ZNF536: variants seen among roughly 807,000 people sequenced by gnomAD.
ZNF536 encodes zinc finger protein 536.
ZNF536 carries 13 observed loss-of-function variants against 84.5 expected under a neutral mutation model. The ratio of observed to expected loss-of-function variants is 0.15; its 90% CI spans 0.10 to 0.24. The LOEUF (loss-of-function observed/expected upper bound fraction) is 0.24, where lower values mean the gene tolerates loss of function less well. Among genes scored for constraint, ZNF536 ranks in the 10% least tolerant of loss-of-function variants. The pLI is 1.00. For missense variants in ZNF536, 1,536 were observed against 1,747.5 expected (o/e 0.88, Z 2.16); for synonymous variants, 811 against 742.5 (o/e 1.09, Z -1.50).
intron 1 of ZNF536, among the ~76,000 whole-genome samples, chr19:30,372,831 C>CT (rs2048661456): frequency 6.7e-6 from 1 of 148,400 alleles, no homozygotes; most frequent in Non-Finnish European, 1.5e-5. Flanking sequence ...CATCACCCGC[C>CT]CCCCCCATCT....
chr19:30,527,088 T>C (rs1478335248), intron 2 of ZNF536, among the ~76,000 whole-genome samples: 2 of 151,960 alleles, frequency 1.3e-5, no homozygotes, highest in Non-Finnish European at 2.9e-5. Flanking sequence ...CTGGCTAATT[T>C]TTGTATTCTT....
At chr19:30,369,453 G>A (rs2146998858), upstream of ZNF536, among the ~76,000 whole-genome samples, 1 of 152,314 alleles carries the variant, frequency 6.6e-6, no homozygotes, top group South Asian at 2.1e-4. Flanking sequence ...TGCATTAAAT[G>A]TGGAGGATCA....
chr19:30,424,738 T>A (rs1373231699), intron 1 of ZNF536, among the ~76,000 whole-genome samples: 1 of 152,220 alleles, frequency 6.6e-6, no homozygotes, highest in Non-Finnish European at 1.5e-5. Context: ...AAATCACTTC[T>A]CCTTGACACA....
intron 1 of ZNF536, among the ~76,000 whole-genome samples, chr19:30,280,298 A>C (rs2045395076): frequency 6.9e-6 from 1 of 145,800 alleles, no homozygotes; most frequent in African/African-American, 2.6e-5. Context: ...ATCCATCTTC[A>C]TCCTTCTCTC....
rs186294540 is a variant in ZNF536, at chr19:30,397,635, T to C, written c.-3+25079T>C. Among the ~76,000 whole-genome samples the C allele has an allele frequency of 3.0e-4, 45 of 152,348 alleles. No homozygotes were observed. The South Asian group carries it at 8.3e-3, about 28-fold the overall frequency. On this transcript the variant is annotated intron_variant, in intron 1 of 4. Transcript: ENST00000355537. ...CCATTTCCACCATACTCCTTACAGTTTGGTGTTCTGTGGATTCTTTACTAA... is the reference window on the plus strand; with the variant it reads ...CCATTTCCACCATACTCCTTACAGTCTGGTGTTCTGTGGATTCTTTACTAA...
chr19:30,317,404 A>T (rs2046715599), intron 2 of ZNF536, among the ~76,000 whole-genome samples: 2 of 152,206 alleles, frequency 1.3e-5, no homozygotes, highest in African/African-American at 4.8e-5. Flanking sequence ...CAGGGCAGAC[A>T]CATGGTAGGT....
chr19:30,589,178 CG>C (rs1217001474), intron 1 of ZNF536, among the ~76,000 whole-genome samples: 1 of 152,158 alleles, frequency 6.6e-6, no homozygotes, highest in African/African-American at 2.4e-5. Flanking sequence ...CTCTTTGCAT[CG>C]GTTACCACCA....
At chr19:30,567,602 T>G in intron 1 of ZNF536, among the ~76,000 whole-genome samples, 1 of 151,932 alleles carries the variant, frequency 6.6e-6, no homozygotes, top group Non-Finnish European at 1.5e-5. Flanking sequence ...CTTGCAATTG[T>G]TCCCTGAGGT....
intron 1 of ZNF536, among the ~76,000 whole-genome samples, chr19:30,275,683 A>T (rs1329846977): frequency 6.6e-6 from 1 of 152,138 alleles, no homozygotes; most frequent in Non-Finnish European, 1.5e-5. Flanking sequence ...TCAATAAATG[A>T]TAATACCCAC....
At chr19:30,668,559 T>C (rs2050419491) in intron 1 of ZNF536, 2 of 152,266 alleles carry the variant, frequency 1.3e-5, no homozygotes, top group Non-Finnish European at 2.9e-5. Flanking sequence ...CCCGTGAAGA[T>C]GGAGCCACCA....
intron 2 of ZNF536, among the ~76,000 whole-genome samples, chr19:30,307,307 C>T (rs1029787165): frequency 1.3e-5 from 2 of 150,156 alleles, no homozygotes; most frequent in Admixed American, 6.6e-5. Context: ...AAAAACTAGT[C>T]ACTGCTAAAT....
At chr19:30,619,615 G>C (rs1481267640) in intron 1 of ZNF536, among the ~76,000 whole-genome samples, 1 of 152,192 alleles carries the variant, frequency 6.6e-6, no homozygotes, top group Non-Finnish European at 1.5e-5. Flanking sequence ...GCAAAGCCCA[G>C]AGCTCACCGA....
intron 1 of ZNF536, among the ~76,000 whole-genome samples, chr19:30,409,985 G>T (rs1600615313): frequency 6.6e-6 from 1 of 151,760 alleles, no homozygotes; most frequent in Non-Finnish European, 1.5e-5. Context: ...TTTAACTGTA[G>T]CATCTCTTCA....
At chr19:30,277,261 T>A (rs1430632562) in intron 1 of ZNF536, among the ~76,000 whole-genome samples, 1 of 152,162 alleles carries the variant, frequency 6.6e-6, no homozygotes, top group Non-Finnish European at 1.5e-5. Flanking sequence ...GAGACAGGGG[T>A]GTAATTTGAT....
chr19:30,336,221 A>G lies in ZNF536; in HGVS notation c.-119-16147A>G, dbSNP rs555497676. 5.2e-4 allele frequency among the ~76,000 whole-genome samples: 79 copies of G among 152,324 alleles called. 1 individual carries two copies. The highest frequency in any genetic ancestry group is 1.4e-3 in the Admixed American group (22 of 15,308). ...TTGAGTCCAGCTGGAAAGATCTATT[A>G]CATATTTACTGGTGTCTTCATCATT... On this transcript the variant is annotated intron_variant, in intron 2 of 5. Transcript: ENST00000585628.
chr19:30,491,876 T>A (rs965948761), intron 2 of ZNF536, among the ~76,000 whole-genome samples: 1 of 152,116 alleles, frequency 6.6e-6, no homozygotes, highest in Non-Finnish European at 1.5e-5. Flanking sequence ...TACAAGACGT[T>A]ACTCCTGATA....
chr19:30,443,247 G>A (rs2052146206), intron 1 of ZNF536, among the ~76,000 whole-genome samples: 1 of 152,114 alleles, frequency 6.6e-6, no homozygotes, highest in African/African-American at 2.4e-5. Context: ...AGTTTCACAC[G>A]TAGACCCTTG....
chr19:30,699,474 C>T (rs1453031002), intron 1 of ZNF536, among the ~76,000 whole-genome samples: 1 of 151,898 alleles, frequency 6.6e-6, no homozygotes, highest in African/African-American at 2.4e-5. Context: ...AAATTTGAAA[C>T]CTAAATTTAT....
intron 2 of ZNF536, among the ~76,000 whole-genome samples, chr19:30,513,485 G>A (rs1008433160): frequency 6.6e-6 from 1 of 152,156 alleles, no homozygotes; most frequent in Non-Finnish European, 1.5e-5. Flanking sequence ...CAACCCCGGT[G>A]ACTCCTGTGA....
Sources: gnomAD v4.1 joint callset for allele counts (sites outside exome capture counted in the v4.1 genomes callset) on GRCh38, gnomAD v4.1.1 for gene constraint, MANE v1.5 for transcripts, NCBI Gene and HGNC (gene_info 2026-07-23, HGNC 2026-07-21) for gene names.